ADGRF5: variants seen among roughly 807,000 people sequenced by gnomAD.
The protein encoded by ADGRF5 is G-protein coupled receptor 116.
In ADGRF5, 75 loss-of-function variants were observed where a neutral mutation model predicts 132.3. The ratio of observed to expected loss-of-function variants is 0.57; its 90% CI spans 0.47 to 0.69. The LOEUF (loss-of-function observed/expected upper bound fraction) is 0.69, where lower values mean the gene tolerates loss of function less well. ADGRF5 is among the 30% of genes least tolerant of loss of function. The pLI is 0.00. For missense variants in ADGRF5, 1,516 were observed against 1,630.6 expected (o/e 0.93, Z 1.21); for synonymous variants, 629 against 597.6 (o/e 1.05, Z -0.77).
intron 1 of ADGRF5, among the ~76,000 whole-genome samples, chr6:46,917,152 TATC>T (rs1464855701): frequency 1.3e-5 from 2 of 152,266 alleles, no homozygotes; most frequent in African/African-American, 4.8e-5. Flanking sequence ...TTATGAGAAG[TATC>T]ATCATCTTCA....
intron 1 of ADGRF5, among the ~76,000 whole-genome samples, chr6:46,920,548 T>G (rs1776834371): frequency 1.5e-5 from 2 of 131,408 alleles, no homozygotes; most frequent in Admixed American, 7.6e-5. Context: ...AGAGAGTGTA[T>G]ATTGGGGGTG....
intron 1 of ADGRF5, among the ~76,000 whole-genome samples, chr6:46,943,553 G>T (rs1018005225): frequency 2.0e-5 from 3 of 152,080 alleles, no homozygotes; most frequent in African/African-American, 7.2e-5. Context: ...TCCATCACAG[G>T]GTCTCTGCTG....
Position 46,882,081 on chromosome 6 carries a change from T to C in ADGRF5, c.639A>G (p.Pro213=). 1 of 1,611,812 alleles carries C rather than the reference T, an allele frequency of 6.2e-7. No homozygotes were observed. Among genetic ancestry groups the C allele is most frequent in the Non-Finnish European group, 8.5e-7 (1 of 1,178,016 alleles). ...CTGTCACAGTCACGCCCTTGAAGCC[T>C]GGTAAAATTCCGTAACCCTTCCGGA... The part of the protein sequence containing the change: ...TAFRKGYGIL[P]GFKGVTVTGF... The change falls in exon 7 of 21, where the codon CCA becomes CCG. Residue 213 remains proline, a synonymous_variant. Coordinates refer to ENST00000283296, the MANE Select transcript of ADGRF5 (RefSeq NM_001098518.2).
In ADGRF5 at chr6:46,878,323, C is replaced by T. The variant is rs1283815456; in HGVS notation, c.1119G>A (p.Leu373=). The T allele has an allele frequency of 6.2e-7, 1 of 1,613,138 alleles. No individual in the cohort carries two copies. Among genetic ancestry groups the T allele is most frequent in the African/African-American group, 1.3e-5 (1 of 74,978 alleles). Residue 373 remains leucine, a synonymous_variant, in exon 10 of 21, where the codon TTG becomes TTA. Transcript: ENST00000283296. ...ACATCACCTTCATTTCTTCATTTGC[C>T]AAAATTTGGATGGGCATAACATCTA... ...KKIDVMPIQI[L]ANEEMKVMCD...
intron 10 of ADGRF5, 95 bp downstream of exon 10, chr6:46,878,107 A>T (rs978638303): frequency 2.5e-6 from 2 of 796,010 alleles, no homozygotes; most frequent in Non-Finnish European, 4.4e-6. Context: ...AATAACAGCC[A>T]TCTGACATTT....
At position 46,859,357 on chromosome 6, in the gene ADGRF5, G is replaced by A. The variant is rs150267672; in HGVS notation, c.2546C>T (p.Thr849Ile). Residue 849 changes from threonine (T) to isoleucine (I), a missense_variant, in exon 17 of 21, where the codon ACT becomes ATT. Around this residue, in one of 2 missense-constraint regions of ADGRF5, gnomAD observed 571 missense variants for 701.2 expected, o/e 0.81. Coordinates refer to ENST00000283296, the MANE Select transcript of ADGRF5 (RefSeq NM_001098518.2). ...GDSPPLSFSQ[T>I]NVQMSSMVIK... ...TACCATGCTGCTCATCTGCACATTA[G>A]TTTGGGAGAAGGACAAAGGAGGGCT... The A allele has an allele frequency of 1.2e-6, 2 of 1,613,764 alleles. No homozygotes were observed. Among genetic ancestry groups the A allele is most frequent in the African/African-American group, 1.3e-5 (1 of 74,922 alleles).
chr6:46,855,918 C>T (rs1328628237), intron 20 of ADGRF5, 56 bp downstream of exon 20: 77 of 997,248 alleles, frequency 7.7e-5, no homozygotes, highest in Non-Finnish European at 1.2e-4. Flanking sequence ...TTGAGGCTCC[C>T]CATTTGAGCA....
intron 9 of ADGRF5, among the ~76,000 whole-genome samples, chr6:46,878,824 A>G (rs1772116520): frequency 6.6e-6 from 1 of 152,234 alleles, no homozygotes; most frequent in Non-Finnish European, 1.5e-5. Context: ...CAGAGAAAAG[A>G]AGATGGCCCC....
chr6:46,921,423 T>C (rs951657557), intron 1 of ADGRF5, among the ~76,000 whole-genome samples: 7 of 110,956 alleles, frequency 6.3e-5, no homozygotes, highest in Non-Finnish European at 1.5e-4. Context: ...AGAGAACTTG[T>C]TTGAAAAAAA....
chr6:46,885,991 T>G (rs1040788470), intron 4 of ADGRF5, among the ~76,000 whole-genome samples: 1 of 152,154 alleles, frequency 6.6e-6, no homozygotes, highest in Admixed American at 6.5e-5. Flanking sequence ...AAATGTAGAG[T>G]GCAAGTAAAT....
At position 46,852,615 on chromosome 6, in the gene ADGRF5, AT is replaced by A. The variant is rs948323123; in HGVS notation, c.*1376del. ...GCGTGCAATTTTCATAAATATTTATATTTTTTAATGAAATACACACCAAAAA... is the reference window on the plus strand; with the variant it reads ...GCGTGCAATTTTCATAAATATTTATATTTTTAATGAAATACACACCAAAAA... On this transcript the variant is annotated 3_prime_UTR_variant, in exon 21 of 21. Coordinates refer to ENST00000283296, the MANE Select transcript of ADGRF5 (RefSeq NM_001098518.2). 6.7e-6 allele frequency: 1 copy of A among 148,288 alleles called. No individual in the cohort carries two copies. The highest frequency in any genetic ancestry group is 2.6e-5 in the African/African-American group (1 of 37,786). 9.2% of individuals were successfully genotyped at this position (148,288 alleles called of 1,614,324 possible).
intron 3 of ADGRF5, among the ~76,000 whole-genome samples, chr6:46,896,660 A>ATGTG (rs10655431): frequency 5.9e-4 from 89 of 150,592 alleles, no homozygotes; most frequent in African/African-American, 1.2e-3. Flanking sequence ...TGTGAGATAT[A>ATGTG]TGTGTGTGTG....
At chr6:46,949,002 A>T (rs1778400102) in intron 1 of ADGRF5, among the ~76,000 whole-genome samples, 1 of 152,200 alleles carries the variant, frequency 6.6e-6, no homozygotes, top group East Asian at 1.9e-4. Flanking sequence ...TATGCTGGGT[A>T]GGCTGATGCG....
In ADGRF5 at chr6:46,900,231, A is replaced by C. The variant is rs1466282542; in HGVS notation, c.103-148T>G. 6.1e-6 allele frequency: 4 copies of C among 650,808 alleles called. No homozygotes were observed. The Admixed American group carries it at 7.5e-5, about 12-fold the overall frequency. The allele number at this position is 650,808 out of a possible 1,614,324, so 40.3% of individuals were successfully genotyped here. ...CATGTGTCCCGTGGATGCTGGGCACATAGCAATGAAATGGTTTGGAAGACA... is the reference window on the plus strand; with the variant it reads ...CATGTGTCCCGTGGATGCTGGGCACCTAGCAATGAAATGGTTTGGAAGACA... On this transcript the variant is annotated intron_variant, in intron 2 of 20. Transcript: ENST00000283296.
chr6:46,866,777 G>T, intron 13 of ADGRF5, 148 bp downstream of exon 13: 2 of 585,374 alleles, frequency 3.4e-6, no homozygotes, highest in Middle Eastern at 4.5e-4. Context: ...TAGCAAAATA[G>T]AAGGTAACAA....
At chr6:46,863,904 C>A (rs1219736676) in intron 14 of ADGRF5, among the ~76,000 whole-genome samples, 10 of 152,224 alleles carry the variant, frequency 6.6e-5, no homozygotes, top group African/African-American at 2.4e-4. Context: ...CTTTGCTGCA[C>A]CCTGGAGGGG....
intron 3 of ADGRF5, among the ~76,000 whole-genome samples, chr6:46,888,798 C>T (rs1437719104): frequency 6.6e-6 from 1 of 152,070 alleles, no homozygotes; most frequent in Admixed American, 6.5e-5. Context: ...ATGTCACAGT[C>T]AGGACTCAAA....
chr6:46,892,124 G>A (rs1203439885), intron 3 of ADGRF5, among the ~76,000 whole-genome samples: 1 of 148,750 alleles, frequency 6.7e-6, no homozygotes, highest in Non-Finnish European at 1.5e-5. Context: ...AAACTTAACT[G>A]AGGATTACAT....
rs369787483 is a variant in ADGRF5 at position 46,906,696 on chromosome 6, G to A, written c.67C>T (p.Leu23=). The change falls in exon 2 of 21, where the codon CTG becomes TTG. Residue 23 remains leucine, a synonymous_variant. Coordinates refer to ENST00000283296, the MANE Select transcript of ADGRF5 (RefSeq NM_001098518.2). Reference sequence around the variant, plus strand: ...ATAGTAGACTCGTAATTCCAGTTCAGTGCAGCTTTGGAAGAATAAATCACA... The same window carrying A: ...ATAGTAGACTCGTAATTCCAGTTCAATGCAGCTTTGGAAGAATAAATCACA... ...FIVIYSSKAA[L]NWNYESTIHP... The A allele has an allele frequency of 1.9e-5, 31 of 1,598,976 alleles. No homozygotes were observed. In the Admixed American group the frequency reaches 3.3e-4, roughly 17 times the overall value.
Sources: allele counts gnomAD v4.1 joint callset (sites outside exome capture counted in the v4.1 genomes callset), GRCh38; gene constraint gnomAD v4.1.1; regional missense constraint gnomAD v4.1.1; transcripts MANE v1.5; gene names NCBI Gene and HGNC (gene_info 2026-07-23, HGNC 2026-07-21).